C12orf43: variants seen among roughly 807,000 people sequenced by gnomAD.
C12orf43 encodes the protein protein CUSTOS.
In C12orf43, 15 loss-of-function variants were observed where a neutral mutation model predicts 20.6. The observed-to-expected ratio is 0.73, with a 90% confidence interval of 0.49 to 1.12. The LOEUF is 1.12. Among genes scored for constraint, C12orf43 ranks in the 50% most tolerant of loss-of-function variants. The pLI is 0.00. For missense variants in C12orf43, 334 were observed against 344.4 expected (o/e 0.97, Z 0.24); for synonymous variants, 144 against 130.8 (o/e 1.10, Z -0.69).
intron 3 of C12orf43, among the ~76,000 whole-genome samples, chr12:121,008,787 C>T (rs1878215230): frequency 6.6e-6 from 1 of 152,220 alleles, no homozygotes; most frequent in Non-Finnish European, 1.5e-5. Context: ...ACAATGGCCC[C>T]AAATCCTGCC....
chr12:121,009,925 C>A (rs1878316644), intron 3 of C12orf43, among the ~76,000 whole-genome samples: 1 of 152,210 alleles, frequency 6.6e-6, no homozygotes, highest in Admixed American at 6.6e-5. Flanking sequence ...GGAACACGGT[C>A]CTTCCTTGCC....
chr12:121,001,104 C>A lies in C12orf43; in HGVS notation c.*3049G>T. 1 of 1,613,962 alleles carries A rather than the reference C, an allele frequency of 6.2e-7. No individual in the cohort carries two copies. Among genetic ancestry groups the A allele is most frequent in the African/African-American group, 1.3e-5 (1 of 75,050 alleles). ...CTGGTGCTGTACCAGAGCTCAGACT[C>A]CAGCAATGGCCAGAGCCACCTGCTG... On this transcript the variant is annotated 3_prime_UTR_variant, in exon 6 of 6. Coordinates refer to ENST00000288757, the MANE Select transcript of C12orf43 (RefSeq NM_022895.3).
In C12orf43 at chr12:121,005,376, G is replaced by A. The variant is rs1036752910; in HGVS notation, c.362-283C>T. The stretch of plus-strand genomic sequence containing the variant: ...CCCCTCCTCCCAGGTGCCAGGTGCT[G>A]AAGCTGCCCCGCCTCTGCCCTCAGG... On this transcript the variant is annotated intron_variant, in intron 4 of 5. Transcript: ENST00000288757. The surrounding 1 kb of genome is among the most constrained non-coding windows in gnomAD (Gnocchi z 5.6). 2.0e-5 allele frequency among the ~76,000 whole-genome samples: 3 copies of A among 152,154 alleles called. No homozygotes were observed. The South Asian group carries it at 6.2e-4, about 31-fold the overall frequency.
In C12orf43 at chr12:121,016,391, C is replaced by T. The variant is rs1389779040; in HGVS notation, c.84G>A (p.Glu28=). The change falls in exon 1 of 6, where the codon GAG becomes GAA. Residue 28 remains glutamate (E), a synonymous_variant. Coordinates refer to ENST00000288757, the MANE Select transcript of C12orf43 (RefSeq NM_022895.3). ...CCAAGCCCCAAGCCGGCATTGCCGCCTCGCGGCACCGCTCCAGCTCCTCCG... is the reference window on the plus strand; with the variant it reads ...CCAAGCCCCAAGCCGGCATTGCCGCTTCGCGGCACCGCTCCAGCTCCTCCG... ...SDAEELERCR[E]AAMPAWGLEQ... The T allele has an allele frequency of 9.9e-6, 16 of 1,613,854 alleles. No homozygotes were observed. Among genetic ancestry groups the T allele is most frequent in the Admixed American group, 5.0e-5 (3 of 60,018 alleles).
At chr12:121,013,653 G>C (rs151184678) in intron 1 of C12orf43, among the ~76,000 whole-genome samples, 11 of 152,312 alleles carry the variant, frequency 7.2e-5, no homozygotes, top group African/African-American at 2.4e-4. Flanking sequence ...TGAGTGACGA[G>C]TTCATCACTG....
chr12:121,003,658 G>C lies in C12orf43; in HGVS notation c.*495C>G, dbSNP rs1169312. The C allele has an allele frequency of 6.5e-6, 1 of 155,014 alleles. No individual in the cohort carries two copies. The highest frequency in any genetic ancestry group is 2.4e-5 in the African/African-American group (1 of 41,454). 9.6% of individuals were successfully genotyped at this position (155,014 alleles called of 1,614,324 possible). Reference sequence around the variant, plus strand: ...GCTCTCCTTTCTCAGACGATTCTGTGAAGTCTATGTGGGCTAAGGAGAGAA... The same window carrying C: ...GCTCTCCTTTCTCAGACGATTCTGTCAAGTCTATGTGGGCTAAGGAGAGAA... On this transcript the variant is annotated 3_prime_UTR_variant, in exon 6 of 6. Coordinates refer to ENST00000288757, the MANE Select transcript of C12orf43 (RefSeq NM_022895.3).
intron 3 of C12orf43, among the ~76,000 whole-genome samples, chr12:121,009,242 C>T (rs1299929445): frequency 2.0e-5 from 3 of 152,014 alleles, no homozygotes; most frequent in South Asian, 2.1e-4. Flanking sequence ...GTCAGGAGTT[C>T]GAGACCAGCC....
Position 121,000,708 on chromosome 12 carries a change from C to G in C12orf43, c.*3445G>C. ...GGTAATCTCCTTCACTCAAAGCCAA[C>G]TGATTGTGGCATTAACCACATCTAC... On this transcript the variant is annotated 3_prime_UTR_variant, in exon 6 of 6. Transcript: ENST00000288757. 1 of 349,448 alleles carries G rather than the reference C, an allele frequency of 2.9e-6. No individual in the cohort carries two copies. Among genetic ancestry groups the G allele is most frequent in the Non-Finnish European group, 5.6e-6 (1 of 179,602 alleles). The allele number at this position is 349,448 out of a possible 1,614,324, so 21.6% of individuals were successfully genotyped here.
rs767016648 is a variant in C12orf43 at position 121,000,693 on chromosome 12, TTCAC to T, written c.*3456_*3459del. On this transcript the variant is annotated 3_prime_UTR_variant, in exon 6 of 6. Transcript: ENST00000288757. ...CACCCATATTTTCAGGGTAATCTCC[TTCAC>T]TCAAAGCCAACTGATTGTGGCATTA... 9.1e-6 allele frequency: 3 copies of T among 331,214 alleles called. No individual in the cohort carries two copies. The highest frequency in any genetic ancestry group is 8.1e-5 in the Admixed American group (2 of 24,642). 20.5% of individuals were successfully genotyped at this position (331,214 alleles called of 1,614,324 possible). A position where few individuals can be genotyped will look rare whatever the true frequency, so the allele number is the denominator to read the frequency against.
Position 121,005,417 on chromosome 12 carries a change from G to A in C12orf43, c.362-324C>T, listed in dbSNP as rs1221953867. On this transcript the variant is annotated intron_variant, in intron 4 of 5. Coordinates refer to ENST00000288757, the MANE Select transcript of C12orf43 (RefSeq NM_022895.3). This position sits in a 1 kb window ranked among gnomAD's most constrained non-coding sequence, Gnocchi z 5.6. ...TGCCCTCAGGAGCTCCTGGTCCAGA[G>A]GCAAAGACCCAGGAATCAGTCGTCT... 1.3e-5 allele frequency among the ~76,000 whole-genome samples: 2 copies of A among 152,172 alleles called. No individual in the cohort carries two copies. The highest frequency in any genetic ancestry group is 4.8e-5 in the African/African-American group (2 of 41,450).
chr12:121,016,286 G>T, intron 1 of C12orf43, 44 bp downstream of exon 1: 3 of 1,611,418 alleles, frequency 1.9e-6, no homozygotes, highest in Non-Finnish European at 2.5e-6. Context: ...TCCAGGGGAA[G>T]ATCCCACGCC....
At chr12:121,015,751 C>T (rs1868839921) in intron 1 of C12orf43, among the ~76,000 whole-genome samples, 1 of 152,168 alleles carries the variant, frequency 6.6e-6, no homozygotes, top group Non-Finnish European at 1.5e-5. Context: ...ACGGCATTGC[C>T]AGAACTACTG....
chr12:121,016,294 G>A (rs1389633542), intron 1 of C12orf43, 36 bp downstream of exon 1: 2 of 1,612,084 alleles, frequency 1.2e-6, no homozygotes, highest in Admixed American at 1.7e-5. Context: ...AAGATCCCAC[G>A]CCCCTCAGCC....
Position 121,001,145 on chromosome 12 carries a change from G to C in C12orf43, c.*3008C>G, listed in dbSNP as rs146855738. ...CCACCTGCTGCCATCCAACCACAGC[G>C]TCATCGAGACCTTCATCTCCACCCA... is the stretch of plus-strand genomic sequence containing the variant. On this transcript the variant is annotated 3_prime_UTR_variant, in exon 6 of 6. Transcript: ENST00000288757. 1 of 1,614,086 alleles carries C rather than the reference G, an allele frequency of 6.2e-7. No individual in the cohort carries two copies. Among genetic ancestry groups the C allele is most frequent in the Non-Finnish European group, 8.5e-7 (1 of 1,180,008 alleles).
In C12orf43 at chr12:121,004,960, G is replaced by A. The variant is rs770808860; in HGVS notation, c.452+43C>T. Reference sequence around the variant, plus strand: ...CCAGGGAACCCACCAAGACAGAAGAGGAGAAAAAAGGAGGGGACGTGAGGA... The same window carrying A: ...CCAGGGAACCCACCAAGACAGAAGAAGAGAAAAAAGGAGGGGACGTGAGGA... On this transcript the variant is annotated intron_variant, in intron 5 of 5. Coordinates refer to ENST00000288757, the MANE Select transcript of C12orf43 (RefSeq NM_022895.3). The surrounding 1 kb of genome is among the most constrained non-coding windows in gnomAD (Gnocchi z 5.6). 2.9e-6 allele frequency: 4 copies of A among 1,392,492 alleles called. No individual in the cohort carries two copies. The highest frequency in any genetic ancestry group is 2.9e-6 in the Non-Finnish European group (3 of 1,041,420). The allele number at this position is 1,392,492 out of a possible 1,614,324, so 86.3% of individuals were successfully genotyped here.
Position 121,001,256 on chromosome 12 carries a change from C to G in C12orf43, c.*2897G>C. 4 of 1,593,902 alleles carry G rather than the reference C, an allele frequency of 2.5e-6. No individual in the cohort carries two copies. Among genetic ancestry groups the G allele is most frequent in the Non-Finnish European group, 3.4e-6 (4 of 1,168,872 alleles). On this transcript the variant is annotated 3_prime_UTR_variant, in exon 6 of 6. Coordinates refer to ENST00000288757, the MANE Select transcript of C12orf43 (RefSeq NM_022895.3). ...GGGGGGTGATGAGGGCAGCAGCCAG[C>G]CCTGCCTGGAGGACCTGAGCCTGCC...
At chr12:121,009,242 C>G (rs1299929445) in intron 3 of C12orf43, among the ~76,000 whole-genome samples, 1 of 152,016 alleles carries the variant, frequency 6.6e-6, no homozygotes, top group Non-Finnish European at 1.5e-5. Context: ...GTCAGGAGTT[C>G]GAGACCAGCC....
chr12:121,005,219 A>C lies in C12orf43; in HGVS notation c.362-126T>G. ...AGGAAAACGAAAGAAAGAAAAGATAAAGAGAAACAAAAAAAAAATTTTAAG... is the reference window on the plus strand; with the variant it reads ...AGGAAAACGAAAGAAAGAAAAGATACAGAGAAACAAAAAAAAAATTTTAAG... On this transcript the variant is annotated intron_variant, in intron 4 of 5. Transcript: ENST00000288757. The surrounding 1 kb of genome is among the most constrained non-coding windows in gnomAD (Gnocchi z 5.6). 22 of 491,492 alleles carry C rather than the reference A, an allele frequency of 4.5e-5. No homozygotes were observed. Among genetic ancestry groups the C allele is most frequent in the Non-Finnish European group, 4.2e-5 (13 of 308,808 alleles). 30.4% of individuals were successfully genotyped at this position (491,492 alleles called of 1,614,324 possible). A position where few individuals can be genotyped will look rare whatever the true frequency, so the allele number is the denominator to read the frequency against.
rs769672509 is a variant in C12orf43 at position 121,016,385 on chromosome 12, T to C, written c.90A>G (p.Ala30=). 3.7e-5 allele frequency: 60 copies of C among 1,613,850 alleles called. No individual in the cohort carries two copies. The South Asian group carries it at 6.3e-4, about 17-fold the overall frequency. Residue 30 remains alanine (A), a synonymous_variant, in exon 1 of 6, where the codon GCA becomes GCG. Transcript: ENST00000288757. The part of the protein sequence containing the change: ...AEELERCREA[A]MPAWGLEQRP... ...GTTGCTCCAAGCCCCAAGCCGGCAT[T>C]GCCGCCTCGCGGCACCGCTCCAGCT...
Sources: allele counts gnomAD v4.1 joint callset (sites outside exome capture counted in the v4.1 genomes callset), GRCh38; gene constraint gnomAD v4.1.1; non-coding constraint Gnocchi (gnomAD v3.1); transcripts MANE v1.5; gene names NCBI Gene and HGNC (gene_info 2026-07-23, HGNC 2026-07-21).